MOK: variants seen among roughly 807,000 people sequenced by gnomAD.
The protein encoded by MOK is MOK protein kinase, also known as MAPK/MAK/MRK overlapping kinase.
A neutral mutation model predicts 54.2 loss-of-function variants in MOK; 59 were observed. The observed-to-expected ratio is 1.09, with a 90% confidence interval of 0.88 to 1.35. MOK has a LOEUF of 1.35. MOK is among the 40% of genes most tolerant of loss of function. The probability of loss-of-function intolerance (pLI) is 0.00; values close to 1 mark genes in which losing one functional copy is unlikely to be tolerated. For synonymous variants in MOK, 210 were observed against 202.7 expected (o/e 1.04, Z -0.31); for missense variants, 517 against 526.2 (o/e 0.98, Z 0.17).
At position 102,229,506 on chromosome 14, in the gene MOK, C is replaced by T. The variant is rs780389117; in HGVS notation, c.1133G>A (p.Gly378Glu). The change falls in exon 11 of 12, where the codon GGA (glycine) becomes GAA (glutamate). Residue 378 changes from glycine (G) to glutamate (E), a missense_variant. Transcript: ENST00000361847. ...CAAGGGTCTCAGCACCGGCACTCTT[C>T]CATTTGTTCCAGATCCAAGCACGGA... is the stretch of plus-strand genomic sequence containing the variant. ...LQSVLGSGTN[G>E]RVPVLRPLKC... 2.5e-5 allele frequency: 41 copies of T among 1,614,068 alleles called. No homozygotes were observed. The highest frequency in any genetic ancestry group is 3.5e-5 in the Non-Finnish European group (41 of 1,180,048).
chr14:102,257,704 C>T (rs1315506921), intron 4 of MOK, among the ~76,000 whole-genome samples: 1 of 152,156 alleles, frequency 6.6e-6, no homozygotes, highest in Non-Finnish European at 1.5e-5. Flanking sequence ...TAGGGCTGGG[C>T]GCAGTGGCTC....
chr14:102,230,815 A>G lies in MOK; in HGVS notation c.981+892T>C, dbSNP rs78325195. ...GACGGAGTTGCCTCCCTCGGAGGGAAGGCCATGGGAAGCCACAGGGAAAAA... is the reference window on the plus strand; with the variant it reads ...GACGGAGTTGCCTCCCTCGGAGGGAGGGCCATGGGAAGCCACAGGGAAAAA... On this transcript the variant is annotated intron_variant, in intron 10 of 11. Transcript: ENST00000361847. The surrounding 1 kb of genome is among the most constrained non-coding windows in gnomAD (Gnocchi z 4.1). The G allele has an allele frequency of 0.026, 3,883 of 152,114 alleles. 80 individuals are homozygous for G. Among genetic ancestry groups the G allele is most frequent in the South Asian group, 0.1 (501 of 4,810 alleles). The allele number at this position is 152,114 out of a possible 1,614,324, so 9.4% of individuals were successfully genotyped here. A position where few individuals can be genotyped will look rare whatever the true frequency, so the allele number is the denominator to read the frequency against.
At chr14:102,261,380 C>T (rs1438380246) in intron 4 of MOK, among the ~76,000 whole-genome samples, 1 of 57,236 alleles carries the variant, frequency 1.7e-5, no homozygotes, top group East Asian at 6.0e-4. Flanking sequence ...GATCGCGCCA[C>T]GTCTCAAAAA....
chr14:102,215,790 G>C, the MOK span, among the ~76,000 whole-genome samples: 1 of 152,208 alleles, frequency 6.6e-6, no homozygotes, highest in Non-Finnish European at 1.5e-5. Flanking sequence ...ACACAGGGCA[G>C]TGGGGGACGT....
At chr14:102,268,994 A>G (rs7141152) in intron 2 of MOK, among the ~76,000 whole-genome samples, 19,466 of 151,960 alleles carry the variant, frequency 0.13, 1,725 homozygotes, top group African/African-American at 0.25. Flanking sequence ...ATGGAAAATA[A>G]GTTTATCTAA....
chr14:102,225,568 C>T (rs530790844), downstream of MOK: 1 of 152,686 alleles, frequency 6.5e-6, no homozygotes, highest in Non-Finnish European at 1.5e-5. Context: ...TCTGCCTCAG[C>T]CCAGTCTGTC....
At chr14:102,224,654 G>T (rs775625292), downstream of MOK, 39 of 456,022 alleles carry the variant, frequency 8.6e-5, no homozygotes, top group South Asian at 5.4e-4. Context: ...TGCAGCCACG[G>T]AAAACTTCAC....
chr14:102,220,150 C>T (rs910049651), downstream of MOK, among the ~76,000 whole-genome samples: 5 of 152,220 alleles, frequency 3.3e-5, no homozygotes, highest in Admixed American at 2.0e-4. The surrounding 1 kb of genome is among the most constrained non-coding windows in gnomAD (Gnocchi z 4.2). Flanking sequence ...CTGGTGGCTG[C>T]GCCACCTCTG....
chr14:102,281,516 A>G (rs919239222), intron 2 of MOK, among the ~76,000 whole-genome samples: 4 of 148,966 alleles, frequency 2.7e-5, no homozygotes, highest in Non-Finnish European at 5.9e-5. Flanking sequence ...AAAAAAAAAA[A>G]GAAAAAAAAA....
At chr14:102,264,031 A>G in intron 3 of MOK, 1 of 158,976 alleles carries the variant, frequency 6.3e-6, no homozygotes, top group South Asian at 1.8e-4. Context: ...CCTGGCCAAC[A>G]TGGTGAAACC....
chr14:102,259,916 G>A (rs1174349424), intron 4 of MOK, among the ~76,000 whole-genome samples: 2 of 152,176 alleles, frequency 1.3e-5, no homozygotes, highest in African/African-American at 2.4e-5. Context: ...GGTGGCTCAC[G>A]CCTGTAATCC....
At chr14:102,223,562 A>G (rs1380773629), downstream of MOK, 1 of 152,616 alleles carries the variant, frequency 6.6e-6, no homozygotes, top group Non-Finnish European at 1.5e-5. Flanking sequence ...TTATATGTAT[A>G]AATATTGTAA....
chr14:102,286,601 A>AC (rs2070130586), intron 1 of MOK, among the ~76,000 whole-genome samples: 1 of 152,042 alleles, frequency 6.6e-6, no homozygotes, highest in Admixed American at 6.6e-5. Context: ...ACAGAGGGAG[A>AC]CCCTGTCTAA....
chr14:102,243,219 A>G (rs1217122668), intron 7 of MOK, among the ~76,000 whole-genome samples: 10 of 152,148 alleles, frequency 6.6e-5, no homozygotes, highest in Non-Finnish European at 1.3e-4. Flanking sequence ...ACCATTACAT[A>G]AACACAAAAG....
intron 1 of MOK, among the ~76,000 whole-genome samples, chr14:102,285,082 C>CAAAAAAAAA (rs34015643): frequency 1.5e-5 from 1 of 65,980 alleles, no homozygotes. Context: ...GATGTCATCT[C>CAAAAAAAAA]AAAAAAAAAA....
In MOK at chr14:102,249,932, T is replaced by C. The variant is rs1453022655; in HGVS notation, c.590+880A>G. Among the ~76,000 whole-genome samples, 1 of 152,098 alleles carries C rather than the reference T, an allele frequency of 6.6e-6. No individual in the cohort carries two copies. Among genetic ancestry groups the C allele is most frequent in the Non-Finnish European group, 1.5e-5 (1 of 68,020 alleles). Reference sequence around the variant, plus strand: ...GCCCAGTTTGGTGGCTGGTGCACCGTGGGCCGTCTTGTGCGCTGGTGAGAT... The same window carrying C: ...GCCCAGTTTGGTGGCTGGTGCACCGCGGGCCGTCTTGTGCGCTGGTGAGAT... On this transcript the variant is annotated intron_variant, in intron 7 of 11. Coordinates refer to ENST00000361847, the MANE Select transcript of MOK (RefSeq NM_014226.3). The surrounding 1 kb of genome is among the most constrained non-coding windows in gnomAD (Gnocchi z 5.3).
At chr14:102,294,703 A>T (rs138587128) in intron 1 of MOK, among the ~76,000 whole-genome samples, 1 of 152,186 alleles carries the variant, frequency 6.6e-6, no homozygotes, top group Non-Finnish European at 1.5e-5. Flanking sequence ...TTCAGATTTA[A>T]GAGAAGAGGG....
chr14:102,246,905 AACCCTCC>A (rs150992182), intron 7 of MOK, among the ~76,000 whole-genome samples: 6,375 of 152,082 alleles, frequency 0.042, 144 homozygotes, highest in Non-Finnish European at 0.059. Context: ...GCACAACTCA[AACCCTCC>A]ACCGAACAGA....
intron 2 of MOK, among the ~76,000 whole-genome samples, chr14:102,271,799 T>G (rs2068390734): frequency 6.6e-6 from 1 of 152,196 alleles, no homozygotes; most frequent in African/African-American, 2.4e-5. Context: ...CCTCAAGTGA[T>G]CCACCCACCT....
Sources: gnomAD v4.1 joint callset for allele counts (sites outside exome capture counted in the v4.1 genomes callset) on GRCh38, gnomAD v4.1.1 for gene constraint, Gnocchi (gnomAD v3.1) non-coding constraint, MANE v1.5 for transcripts, NCBI Gene and HGNC (gene_info 2026-07-23, HGNC 2026-07-21) for gene names.